ZDHHC1: variants seen among roughly 807,000 people sequenced by gnomAD.
ZDHHC1 encodes the protein palmitoyltransferase ZDHHC1.
Under a neutral mutation model 46.9 loss-of-function variants are expected in ZDHHC1, and 45 were observed. The ratio of observed to expected loss-of-function variants is 0.96; its 90% confidence interval spans 0.76 to 1.23. The LOEUF (loss-of-function observed/expected upper bound fraction) is 1.23. Ranked by LOEUF, ZDHHC1 falls within the 50% of genes most tolerant of loss-of-function variation. The pLI is 0.00. For missense variants in ZDHHC1, 649 were observed against 670.8 expected (o/e 0.97, Z 0.36); for synonymous variants, 291 against 286.0 (o/e 1.02, Z -0.18).
chr16:67,407,227 G>A (rs2040677863), intron 2 of ZDHHC1, among the ~76,000 whole-genome samples: 1 of 152,192 alleles, frequency 6.6e-6, no homozygotes, highest in Admixed American at 6.5e-5. Context: ...GCTGGCCCAG[G>A]GTCCAGGGAT....
chr16:67,411,625 C>T (rs1262297044), intron 1 of ZDHHC1, among the ~76,000 whole-genome samples: 1 of 152,100 alleles, frequency 6.6e-6, no homozygotes, highest in Admixed American at 6.6e-5. Context: ...CAAAGATTTA[C>T]TGCAGCATTG....
In ZDHHC1 at chr16:67,416,154, G is replaced by A. The variant is rs2040831086; in HGVS notation, c.-39+17C>T. On this transcript the variant is annotated intron_variant, in intron 1 of 11. Transcript: ENST00000565726. ...AAGCCAGGCTCCGAGGTGAGAAACC[G>A]GGCGGGGACTCCTCACCTGCGCGCC... is the stretch of plus-strand genomic sequence containing the variant. 1 of 152,328 alleles carries A rather than the reference G, an allele frequency of 6.6e-6. No homozygotes were observed. The highest frequency in any genetic ancestry group is 6.5e-5 in the Admixed American group (1 of 15,288). 9.4% of individuals were successfully genotyped at this position (152,328 alleles called of 1,614,324 possible). A position where few individuals can be genotyped will look rare whatever the true frequency, so the allele number is the denominator to read the frequency against.
In ZDHHC1 at chr16:67,412,910, C is replaced by T. The variant is rs554213280; in HGVS notation, c.-39+3261G>A. Among the ~76,000 whole-genome samples the T allele has an allele frequency of 8.6e-5, 13 of 151,948 alleles. No homozygotes were observed. The South Asian group carries it at 2.5e-3, about 29-fold the overall frequency. Reference sequence around the variant, plus strand: ...CTGCCTCCTGGGTTCAAGTGATTCTCCTGCCTCAGCCTCCCGAGTAGCTGG... The same window carrying T: ...CTGCCTCCTGGGTTCAAGTGATTCTTCTGCCTCAGCCTCCCGAGTAGCTGG... On this transcript the variant is annotated intron_variant, in intron 1 of 11. Transcript: ENST00000565726.
chr16:67,395,236 G>A lies in ZDHHC1; in HGVS notation c.1055C>T (p.Pro352Leu), dbSNP rs776845559. ...GGCGAGAGTGTCTGGGGAAGAGGGT[G>A]GTGGAGGTTCCGCTTGGCCACGGGT... ...LATRGQAEPP[P>L]PSSPDTLALP... The change falls in exon 10 of 12, where the codon CCA (proline) becomes CTA (leucine). Residue 352 changes from proline (P) to leucine (L), a missense_variant. Pro to Leu is a moderately conservative substitution (Grantham distance 98). Coordinates refer to ENST00000565726, the MANE Select transcript of ZDHHC1 (RefSeq NM_001323627.2). 44 of 1,599,382 alleles carry A rather than the reference G, an allele frequency of 2.8e-5. No homozygotes were observed. The highest frequency in any genetic ancestry group is 3.7e-5 in the Non-Finnish European group (43 of 1,172,808).
chr16:67,411,293 T>C (rs749544543), intron 1 of ZDHHC1, among the ~76,000 whole-genome samples: 3 of 151,922 alleles, frequency 2.0e-5, no homozygotes, highest in African/African-American at 7.3e-5. Flanking sequence ...GGCAGGGTGA[T>C]GGGGTCAGAG....
At position 67,406,198 on chromosome 16, in the gene ZDHHC1, A is replaced by G. The variant is rs2040652547; in HGVS notation, c.252+2T>C. The G allele has an allele frequency of 1.9e-6, 3 of 1,613,640 alleles. No homozygotes were observed. Among genetic ancestry groups the G allele is most frequent in the South Asian group, 2.2e-5 (2 of 90,998 alleles). ...ACCAGCCCTACGCTTTCCCAAGGAT[A>G]CAGCGTAGCCAGCGGGCACCCAGTG... On this transcript the variant is annotated splice_donor_variant, in intron 3 of 11. Coordinates refer to ENST00000565726, the MANE Select transcript of ZDHHC1 (RefSeq NM_001323627.2). LOFTEE classifies it high-confidence loss of function. This position sits in a 1 kb window ranked among gnomAD's most constrained non-coding sequence, Gnocchi z 4.1.
chr16:67,414,599 T>C (rs2040802867), intron 1 of ZDHHC1, among the ~76,000 whole-genome samples: 1 of 152,238 alleles, frequency 6.6e-6, no homozygotes, highest in Non-Finnish European at 1.5e-5. Context: ...TCAATCCTCA[T>C]AGAGCTCTAA....
chr16:67,394,152 G>A lies in ZDHHC1; in HGVS notation c.*458C>T, dbSNP rs1357810174. ...TTCGCCGCCACCTCCCCACGGCCTC[G>A]CAGCCTCAGCGCCCACTGCTGCTTT... On this transcript the variant is annotated 3_prime_UTR_variant, in exon 12 of 12. Coordinates refer to ENST00000565726, the MANE Select transcript of ZDHHC1 (RefSeq NM_001323627.2). Among the ~76,000 whole-genome samples the A allele has an allele frequency of 1.3e-5, 2 of 152,184 alleles. No individual in the cohort carries two copies. The highest frequency in any genetic ancestry group is 2.9e-5 in the Non-Finnish European group (2 of 68,028).
intron 1 of ZDHHC1, among the ~76,000 whole-genome samples, chr16:67,409,575 C>G (rs567176362): frequency 1.8e-4 from 28 of 152,342 alleles, no homozygotes; most frequent in Non-Finnish European, 2.4e-4. Context: ...CAAATTCCTT[C>G]GGCCCAAAAG....
Position 67,406,592 on chromosome 16 carries a change from G to A in ZDHHC1, c.10-150C>T. The A allele has an allele frequency of 9.6e-7, 1 of 1,038,198 alleles. No individual in the cohort carries two copies. Among genetic ancestry groups the A allele is most frequent in the Non-Finnish European group, 1.3e-6 (1 of 749,034 alleles). The allele number at this position is 1,038,198 out of a possible 1,614,324, so 64.3% of individuals were successfully genotyped here. ...ACTGGGGTCCTAGCACAATAGAGATGGGCAGTGGGGAGAGGGTGGGAGTGG... is the reference window on the plus strand; with the variant it reads ...ACTGGGGTCCTAGCACAATAGAGATAGGCAGTGGGGAGAGGGTGGGAGTGG... On this transcript the variant is annotated intron_variant, in intron 2 of 11. Transcript: ENST00000565726. The surrounding 1 kb of genome is among the most constrained non-coding windows in gnomAD (Gnocchi z 4.1).
In ZDHHC1 at chr16:67,397,284, C is replaced by T. The variant is rs140926685; in HGVS notation, c.927+928G>A. On this transcript the variant is annotated intron_variant, in intron 8 of 11. Coordinates refer to ENST00000565726, the MANE Select transcript of ZDHHC1 (RefSeq NM_001323627.2). ...TCTCCTGCCTACTTCTCTGGGCCTCCGTCTCCTCTTGATGTGGGGCTGGAA... is the reference window on the plus strand; with the variant it reads ...TCTCCTGCCTACTTCTCTGGGCCTCTGTCTCCTCTTGATGTGGGGCTGGAA... 6.3e-3 allele frequency among the ~76,000 whole-genome samples: 961 copies of T among 152,340 alleles called. 8 individuals are homozygous for T. The highest frequency in any genetic ancestry group is 0.022 in the African/African-American group (898 of 41,582).
intron 3 of ZDHHC1, among the ~76,000 whole-genome samples, chr16:67,403,528 A>C (rs2040592576): frequency 6.6e-6 from 1 of 152,132 alleles, no homozygotes; most frequent in Non-Finnish European, 1.5e-5. Flanking sequence ...GGACAGGGAA[A>C]ATCACATCAG....
Position 67,406,461 on chromosome 16 carries a change from T to A in ZDHHC1, c.10-19A>T. On this transcript the variant is annotated intron_variant, in intron 2 of 11. Transcript: ENST00000565726. This position sits in a 1 kb window ranked among gnomAD's most constrained non-coding sequence, Gnocchi z 4.1. The stretch of plus-strand genomic sequence containing the variant: ...TGTTCATCTCCAGAGGGAGAAACAG[T>A]AGAGAGAGCATTAGCCCAAGAAGCT... 6.7e-7 allele frequency: 1 copy of A among 1,492,144 alleles called. No homozygotes were observed. Among genetic ancestry groups the A allele is most frequent in the Non-Finnish European group, 8.9e-7 (1 of 1,118,684 alleles). 92.4% of individuals were successfully genotyped at this position (1,492,144 alleles called of 1,614,324 possible). A position where few individuals can be genotyped will look rare whatever the true frequency, so the allele number is the denominator to read the frequency against.
rs1208204579 is a variant in ZDHHC1 at position 67,394,771 on chromosome 16, G to C, written c.1288C>G (p.Pro430Ala). Residue 430 changes from proline to alanine, a missense_variant, in exon 12 of 12, where the codon CCA becomes GCA. Transcript: ENST00000565726. Reference protein sequence around the residue: ...SASAESVDEIPVAQTRLGSAA... With the variant: ...SASAESVDEIAVAQTRLGSAA... Reference sequence around the variant, plus strand: ...CTGCCCAGGCGCGTCTGCGCCACTGGAATCTCGTCCACGGACTCTGCCGAC... The same window carrying C: ...CTGCCCAGGCGCGTCTGCGCCACTGCAATCTCGTCCACGGACTCTGCCGAC... The C allele has an allele frequency of 6.5e-7, 1 of 1,529,666 alleles. No homozygotes were observed. The highest frequency in any genetic ancestry group is 1.4e-5 in the African/African-American group (1 of 72,416). The allele number at this position is 1,529,666 out of a possible 1,614,324, so 94.8% of individuals were successfully genotyped here.
At chr16:67,407,661 G>A (rs2040686226) in intron 2 of ZDHHC1, 106 bp downstream of exon 2, 1 of 768,836 alleles carries the variant, frequency 1.3e-6, no homozygotes, top group Non-Finnish European at 2.4e-6. Context: ...CAATCCTCAT[G>A]TCTGCCCTCA....
In ZDHHC1 at chr16:67,402,105, G is replaced by A. The variant is rs990234877; in HGVS notation, c.253-973C>T. Among the ~76,000 whole-genome samples the A allele has an allele frequency of 2.6e-5, 4 of 152,182 alleles. No individual in the cohort carries two copies. The East Asian group carries it at 5.8e-4, about 22-fold the overall frequency. On this transcript the variant is annotated intron_variant, in intron 3 of 11. Coordinates refer to ENST00000565726, the MANE Select transcript of ZDHHC1 (RefSeq NM_001323627.2). ...TACATATCTGCATAAACCAGGCTCC[G>A]CCCTAATGTGCCATAAGCATAGCTA...
intron 1 of ZDHHC1, among the ~76,000 whole-genome samples, chr16:67,411,178 T>A (rs550229439): frequency 1.3e-5 from 2 of 152,242 alleles, no homozygotes; most frequent in South Asian, 4.1e-4. Context: ...GTACCAGCCC[T>A]GGAGAGACTG....
chr16:67,412,142 T>C (rs1323255988), intron 1 of ZDHHC1, among the ~76,000 whole-genome samples: 1 of 150,014 alleles, frequency 6.7e-6, no homozygotes, highest in African/African-American at 2.4e-5. Flanking sequence ...GCTGCGGGGA[T>C]GGATAGATAT....
At chr16:67,407,842 A>G (rs2040689836) in intron 1 of ZDHHC1, 29 bp from the exon 2 acceptor site, 1 of 771,248 alleles carries the variant, frequency 1.3e-6, no homozygotes, top group African/African-American at 1.7e-5. Flanking sequence ...TGGGCACAGT[A>G]AATGGTGTGG....
Sources: allele counts gnomAD v4.1 joint callset (sites outside exome capture counted in the v4.1 genomes callset), GRCh38; gene constraint gnomAD v4.1.1; non-coding constraint Gnocchi (gnomAD v3.1); transcripts MANE v1.5; gene names NCBI Gene and HGNC (gene_info 2026-07-23, HGNC 2026-07-21).